KCNIP1: variants seen among roughly 807,000 people sequenced by gnomAD.
The protein encoded by KCNIP1 is A-type potassium channel modulatory protein KCNIP1.
A neutral mutation model predicts 33.0 loss-of-function variants in KCNIP1; 18 were observed. The ratio of observed to expected loss-of-function variants is 0.55; its 90% CI spans 0.38 to 0.81. KCNIP1 has a LOEUF of 0.81. Ranked by LOEUF, KCNIP1 falls within the 30% of genes least tolerant of loss-of-function variation. KCNIP1 has a pLI of 0.00. For missense variants in KCNIP1, 238 were observed against 271.6 expected, an observed-to-expected ratio of 0.88 and a Z score of 0.87; for synonymous variants, 93 against 98.3, an observed-to-expected ratio of 0.95 and a Z score of 0.32.
At chr5:170,541,233 T>G (rs1289991802) in intron 1 of KCNIP1, among the ~76,000 whole-genome samples, 1 of 152,176 alleles carries the variant, frequency 6.6e-6, no homozygotes. Flanking sequence ...GATTCTTCAT[T>G]GCAAGTGACC....
intron 1 of KCNIP1, among the ~76,000 whole-genome samples, chr5:170,641,215 T>C (rs1323486858): frequency 6.6e-6 from 1 of 152,136 alleles, no homozygotes; most frequent in Non-Finnish European, 1.5e-5. Context: ...TCTGGGTCCT[T>C]GGGAAGAGCC....
At chr5:170,513,978 T>C (rs143700381) in intron 1 of KCNIP1, among the ~76,000 whole-genome samples, 255 of 152,330 alleles carry the variant, frequency 1.7e-3, no homozygotes, top group African/African-American at 6.0e-3. Context: ...GAAACGTAGA[T>C]GCAGGGAGGT....
chr5:170,501,937 C>T (rs1239098334), upstream of KCNIP1, among the ~76,000 whole-genome samples: 2 of 152,192 alleles, frequency 1.3e-5, no homozygotes, highest in South Asian at 2.1e-4. Flanking sequence ...TCCAGGCCTC[C>T]CTGGCCTGGA....
intron 1 of KCNIP1, among the ~76,000 whole-genome samples, chr5:170,464,242 A>C (rs1056234683): frequency 1.5e-4 from 23 of 152,346 alleles, no homozygotes; most frequent in African/African-American, 5.3e-4. Context: ...TTACAAATTG[A>C]TTTATAGGTT....
intron 1 of KCNIP1, among the ~76,000 whole-genome samples, chr5:170,418,395 C>G (rs1755389240): frequency 6.6e-6 from 1 of 152,172 alleles, no homozygotes. Context: ...CACCACTGCG[C>G]TCCAGCCTGG....
intron 1 of KCNIP1, among the ~76,000 whole-genome samples, chr5:170,601,488 G>C (rs1452699716): frequency 6.6e-6 from 1 of 152,164 alleles, no homozygotes; most frequent in Non-Finnish European, 1.5e-5. Flanking sequence ...CTTAGAATGA[G>C]GCAGTTTATC....
chr5:170,435,977 C>T (rs923634814), intron 1 of KCNIP1, among the ~76,000 whole-genome samples: 3 of 152,154 alleles, frequency 2.0e-5, no homozygotes, highest in Non-Finnish European at 4.4e-5. Flanking sequence ...AATCAGACAC[C>T]CACATTCCTG....
At chr5:170,370,142 G>A (rs1763805690) in intron 1 of KCNIP1, among the ~76,000 whole-genome samples, 1 of 152,144 alleles carries the variant, frequency 6.6e-6, no homozygotes, top group Non-Finnish European at 1.5e-5. Context: ...AGGCCCACAA[G>A]CAAGAGAGGC....
chr5:170,544,617 T>C (rs1455202937), intron 1 of KCNIP1, among the ~76,000 whole-genome samples: 4 of 152,068 alleles, frequency 2.6e-5, no homozygotes, highest in South Asian at 4.2e-4. Context: ...TCTTTCTTCC[T>C]TTATTTCTTC....
chr5:170,471,992 T>C (rs1274913869), intron 1 of KCNIP1, among the ~76,000 whole-genome samples: 2 of 152,078 alleles, frequency 1.3e-5, no homozygotes, highest in Non-Finnish European at 2.9e-5. Context: ...GTCAGAGCCT[T>C]TTCTGGCCTC....
rs1016170879 is a variant in KCNIP1 at position 170,657,091 on chromosome 5, G to A, written c.62-61667G>A. ...GCTCACTGCAACCTCCACCTCCCGGGTTCAAGCAATTCTCCTGCCTCAGCC... is the reference window on the plus strand; with the variant it reads ...GCTCACTGCAACCTCCACCTCCCGGATTCAAGCAATTCTCCTGCCTCAGCC... On this transcript the variant is annotated intron_variant, in intron 1 of 7. Coordinates refer to ENST00000328939, the MANE Select transcript of KCNIP1 (RefSeq NM_014592.4). Among the ~76,000 whole-genome samples the A allele has an allele frequency of 1.2e-4, 18 of 150,680 alleles. No homozygotes were observed. In the East Asian group the frequency reaches 2.2e-3, roughly 18 times the overall value.
chr5:170,625,460 G>A (rs771985897), intron 1 of KCNIP1, among the ~76,000 whole-genome samples: 10 of 152,174 alleles, frequency 6.6e-5, no homozygotes, highest in African/African-American at 1.2e-4. Flanking sequence ...CCTCATCTCC[G>A]GCTCCCCATC....
rs1287431963 is a variant in KCNIP1 at position 170,670,906 on chromosome 5, A to AAAT, written c.62-47850_62-47849insTAA. Among the ~76,000 whole-genome samples, 8 of 131,186 alleles carry AAAT rather than the reference A, an allele frequency of 6.1e-5. 1 individual carries two copies. The South Asian group carries it at 1.0e-3, about 17-fold the overall frequency. The allele number at this position is 131,186 out of a possible 152,430, so 86.1% of individuals were successfully genotyped here. A position where few individuals can be genotyped will look rare whatever the true frequency, so the allele number is the denominator to read the frequency against. ...GTGAGACTCTGTCTCAAAAAACAAA[A>AAAT]AAAAAAATAAAAAAAAAAGAAGAGG... is the stretch of plus-strand genomic sequence containing the variant. On this transcript the variant is annotated intron_variant, in intron 1 of 7. Coordinates refer to ENST00000328939, the MANE Select transcript of KCNIP1 (RefSeq NM_014592.4).
At chr5:170,674,170 A>AGGAT (rs1762035762) in intron 1 of KCNIP1, among the ~76,000 whole-genome samples, 1 of 66,618 alleles carries the variant, frequency 1.5e-5, no homozygotes, top group Non-Finnish European at 2.4e-5. Flanking sequence ...GAAGGAAGGA[A>AGGAT]GGAAGGAAGG....
chr5:170,403,566 C>G (rs2113389611), intron 1 of KCNIP1, among the ~76,000 whole-genome samples: 1 of 152,218 alleles, frequency 6.6e-6, no homozygotes, highest in African/African-American at 2.4e-5. Context: ...CAAATGTGCC[C>G]TAGTTTGAGT....
At chr5:170,645,977 C>A (rs911126847) in intron 1 of KCNIP1, among the ~76,000 whole-genome samples, 5 of 152,100 alleles carry the variant, frequency 3.3e-5, no homozygotes, top group African/African-American at 2.4e-5. Context: ...CACCTCTATG[C>A]CCACAAATTT....
At chr5:170,608,751 A>T (rs1294159417) in intron 1 of KCNIP1, among the ~76,000 whole-genome samples, 4 of 124,446 alleles carry the variant, frequency 3.2e-5, no homozygotes, top group Non-Finnish European at 7.2e-5. Flanking sequence ...CGACAGGGTG[A>T]AACTGTCTCA....
intron 5 of KCNIP1, among the ~76,000 whole-genome samples, chr5:170,727,517 A>G (rs1388313942): frequency 1.3e-5 from 2 of 152,244 alleles, no homozygotes; most frequent in African/African-American, 4.8e-5. Context: ...GAAGTGCCTA[A>G]CCAATAGAAG....
At chr5:170,432,495 G>A (rs979870559) in intron 1 of KCNIP1, among the ~76,000 whole-genome samples, 5 of 152,162 alleles carry the variant, frequency 3.3e-5, no homozygotes, top group African/African-American at 7.2e-5. Flanking sequence ...TTGAGGGTTC[G>A]GTAGAATATT....
Sources: gnomAD v4.1 joint callset for allele counts (sites outside exome capture counted in the v4.1 genomes callset) on GRCh38, gnomAD v4.1.1 for gene constraint, MANE v1.5 for transcripts, NCBI Gene and HGNC (gene_info 2026-07-23, HGNC 2026-07-21) for gene names.